The following CAPN6 variants were observed in gnomAD, a reference collection of about 807,000 sequenced individuals.
The protein encoded by CAPN6 is calpain 6.
A neutral mutation model predicts 46.0 loss-of-function variants in CAPN6; 16 were observed. The observed-to-expected ratio is 0.35, with a 90% CI of 0.24 to 0.53. The LOEUF is 0.53. CAPN6 is among the 20% of genes least tolerant of loss of function. The pLI is 0.94. For missense variants in CAPN6, 461 were observed against 498.0 expected, an observed-to-expected ratio of 0.93 and a Z score of 0.71; for synonymous variants, 206 against 172.8, an observed-to-expected ratio of 1.19 and a Z score of -1.51.
At chrX:111,252,582 C>T (rs2094980571) in intron 4 of CAPN6, 83 bp from the exon 5 acceptor site, 2 of 755,390 alleles carry the variant, frequency 2.6e-6, no homozygotes. Flanking sequence ...CAGAACATCC[C>T]CTGCCTAGAC....
chrX:111,269,291 C>A lies in CAPN6; in HGVS notation c.-16+1080G>T, dbSNP rs376762278. 3.6e-5 allele frequency among the ~76,000 whole-genome samples: 4 copies of A among 112,038 alleles called. No individual in the cohort carries two copies. The South Asian group carries it at 1.5e-3, about 42-fold the overall frequency. On this transcript the variant is annotated intron_variant, in intron 1 of 12. Coordinates refer to ENST00000324068, the MANE Select transcript of CAPN6 (RefSeq NM_014289.4). ...ACCCAGGCACACACGTGCACATAAG[C>A]ATGCTCACACACACACACAAACTTC...
rs1389739074 is a variant in CAPN6 at position 111,260,816 on chromosome X, T to A, written c.165+2956A>T. Among the ~76,000 whole-genome samples, 3 of 112,707 alleles carry A rather than the reference T, an allele frequency of 2.7e-5. No homozygotes were observed. The East Asian group carries it at 8.3e-4, about 31-fold the overall frequency. Reference sequence around the variant, plus strand: ...CCTCCCCTTCTTCAAAAATTCTACATGATTTACTGTCCATATGACTGAAAA... The same window carrying A: ...CCTCCCCTTCTTCAAAAATTCTACAAGATTTACTGTCCATATGACTGAAAA... On this transcript the variant is annotated intron_variant, in intron 2 of 12. Transcript: ENST00000324068.
At chrX:111,254,636 G>A (rs981812181) in intron 2 of CAPN6, among the ~76,000 whole-genome samples, 9 of 111,196 alleles carry the variant, frequency 8.1e-5, no homozygotes, top group Non-Finnish European at 1.3e-4. Context: ...AAAGGAGAGG[G>A]TGTCATGAGA....
At chrX:111,251,174 G>T in intron 7 of CAPN6, 35 bp downstream of exon 7, 2 of 1,202,080 alleles carry the variant, frequency 1.7e-6, no homozygotes, top group South Asian at 3.6e-5. Context: ...CCATGTAGAA[G>T]CCCCAATTCC....
At chrX:111,262,503 T>C (rs765488142) in intron 2 of CAPN6, among the ~76,000 whole-genome samples, 3 of 111,873 alleles carry the variant, frequency 2.7e-5, no homozygotes, top group Non-Finnish European at 5.6e-5. Context: ...ATTGAGATGA[T>C]GCCTGAGATG....
intron 10 of CAPN6, 52 bp downstream of exon 10, chrX:111,248,517 T>C (rs1003430613): frequency 5.2e-6 from 5 of 959,370 alleles, no homozygotes; most frequent in Non-Finnish European, 7.5e-6. Context: ...GGGTTTAGGA[T>C]TGGAAGTAAA....
chrX:111,265,784 C>T (rs1281454024), intron 1 of CAPN6, among the ~76,000 whole-genome samples: 1 of 111,695 alleles, frequency 9.0e-6, no homozygotes, highest in Non-Finnish European at 1.9e-5. Context: ...AGTCCCTGGA[C>T]ATTCTGGATA....
intron 2 of CAPN6, among the ~76,000 whole-genome samples, chrX:111,255,703 T>C (rs1477486861): frequency 1.8e-5 from 2 of 111,990 alleles, no homozygotes; most frequent in African/African-American, 6.5e-5. Context: ...AAACATTCCA[T>C]ATATTCTTTA....
At chrX:111,248,510 T>C in intron 10 of CAPN6, 59 bp downstream of exon 10, 2 of 896,027 alleles carry the variant, frequency 2.2e-6, no homozygotes, top group South Asian at 4.0e-5. Context: ...GGTGAAGGGG[T>C]TTAGGATTGG....
At chrX:111,265,194 C>G (rs2094990859) in intron 1 of CAPN6, among the ~76,000 whole-genome samples, 1 of 112,290 alleles carries the variant, frequency 8.9e-6, no homozygotes, top group Non-Finnish European at 1.9e-5. Context: ...GATCAGACCT[C>G]TCTACTAGTT....
Position 111,246,750 on chromosome X carries a change from T to G in CAPN6, c.1753A>C (p.Ser585Arg). ...DIPIIVQVWN[S>R]RKFCDQFLGQ... ...AAGAACTGATCACAGAATTTTCGGC[T>G]GTTCCAGACCTGGAAAGACAAACGA... The change falls in exon 13 of 13, where the codon AGC (serine) becomes CGC (arginine). Residue 585 changes from serine to arginine, a missense_variant. Ser to Arg is a moderately radical substitution (Grantham distance 110). Transcript: ENST00000324068. 3.3e-6 allele frequency: 4 copies of G among 1,208,961 alleles called. No individual in the cohort carries two copies. The highest frequency in any genetic ancestry group is 4.5e-6 in the Non-Finnish European group (4 of 894,416).
In CAPN6 at chrX:111,252,407, T is replaced by C. The variant is rs745504933; in HGVS notation, c.599A>G (p.Gln200Arg). Residue 200 changes from glutamine (Q) to arginine (R), a missense_variant, in exon 5 of 13, where the codon CAG becomes CGG. By Grantham distance (43) the Gln-to-Arg change is conservative. Transcript: ENST00000324068. ...TGTLAETVDM[Q>R]KGRYTELVEE... ...AACAAGCTCAGTGTATCTTCCTTTC[T>C]GCATGTCAACAGTTTCAGCCAATGT... 2.5e-6 allele frequency: 3 copies of C among 1,208,602 alleles called. No individual in the cohort carries two copies. The African/African-American group carries it at 5.2e-5, about 21-fold the overall frequency.
At chrX:111,247,832 A>G (rs2094975778) in intron 11 of CAPN6, 39 bp downstream of exon 11, 3 of 1,194,499 alleles carry the variant, frequency 2.5e-6, no homozygotes, top group Non-Finnish European at 3.4e-6. Context: ...TATAAATGCA[A>G]CTGAATTTTG....
chrX:111,256,836 A>G (rs929456438), intron 2 of CAPN6, among the ~76,000 whole-genome samples: 1 of 83,395 alleles, frequency 1.2e-5, no homozygotes, highest in African/African-American at 1.2e-4. Context: ...GAGAGAATGT[A>G]AATTTGGGAC....
At chrX:111,270,158 C>A (rs1360659287) in intron 1 of CAPN6, among the ~76,000 whole-genome samples, 1 of 111,875 alleles carries the variant, frequency 8.9e-6, no homozygotes, top group African/African-American at 3.3e-5. Context: ...ATCATCACCC[C>A]ACACACCCCT....
chrX:111,265,363 G>T (rs2094990998), intron 1 of CAPN6, among the ~76,000 whole-genome samples: 1 of 112,316 alleles, frequency 8.9e-6, no homozygotes, highest in African/African-American at 3.2e-5. Flanking sequence ...TGAATCCAAG[G>T]AATAAGAAGC....
chrX:111,249,830 AGAAGGAAGGAAGGAAG>A (rs3062792), intron 8 of CAPN6, among the ~76,000 whole-genome samples: 1 of 93,259 alleles, frequency 1.1e-5, no homozygotes, highest in East Asian at 3.7e-4. Flanking sequence ...AATGAAGGAA[AGAAGGAAGGAAGGAAG>A]GAAGGAAGGA....
At chrX:111,254,599 C>T (rs1378278098) in intron 2 of CAPN6, among the ~76,000 whole-genome samples, 196 bp from the exon 3 acceptor site, 1 of 111,157 alleles carries the variant, frequency 9.0e-6, no homozygotes, top group African/African-American at 3.3e-5. Context: ...TCATCTAGCC[C>T]CATGTTTGGA....
chrX:111,248,850 C>G lies in CAPN6; in HGVS notation c.1282-79G>C. ...ATGCTCTGTCTTTTTTATCCCTAGG[C>G]CTTCCATTCTTCCCCTACCATTAAA... On this transcript the variant is annotated intron_variant, in intron 9 of 12. Transcript: ENST00000324068. The G allele has an allele frequency of 3.4e-6, 4 of 1,182,214 alleles. 1 individual carries two copies. In the South Asian group the frequency reaches 7.1e-5, roughly 21 times the overall value.
Sources: allele counts gnomAD v4.1 joint callset (sites outside exome capture counted in the v4.1 genomes callset), GRCh38; gene constraint gnomAD v4.1.1; transcripts MANE v1.5; gene names NCBI Gene and HGNC (gene_info 2026-07-23, HGNC 2026-07-21).